The following SUGCT variants were observed in gnomAD, a reference collection of about 807,000 sequenced individuals.
SUGCT encodes succinyl-CoA:glutarate-CoA transferase.
A neutral mutation model predicts 55.0 loss-of-function variants in SUGCT; 41 were observed. The ratio of observed to expected loss-of-function variants is 0.74; its 90% CI spans 0.58 to 0.97. The LOEUF (loss-of-function observed/expected upper bound fraction) is 0.97. Ranked by LOEUF, SUGCT falls within the 50% of genes least tolerant of loss-of-function variation. The probability of loss-of-function intolerance (pLI) is 0.00; values close to 1 mark genes in which losing one functional copy is unlikely to be tolerated. For synonymous variants in SUGCT, 187 were observed against 200.4 expected (o/e 0.93, Z 0.56); for missense variants, 568 against 547.8 (o/e 1.04, Z -0.37).
the SUGCT span, among the ~76,000 whole-genome samples, chr7:40,892,368 G>A: frequency 6.6e-6 from 1 of 151,942 alleles, no homozygotes; most frequent in Non-Finnish European, 1.5e-5. Context: ...ATACACAAAA[G>A]ATAAAGAGAC....
In SUGCT at chr7:40,529,320, G is replaced by A. The variant is rs117302152; in HGVS notation, c.1089+32934G>A. Among the ~76,000 whole-genome samples, 1,421 of 152,332 alleles carry A rather than the reference G, an allele frequency of 9.3e-3. 7 individuals carry two copies. The highest frequency in any genetic ancestry group is 0.031 in the Middle Eastern group (9 of 294). ...GAGAGGCTAAGGTTACCTTGAAGGA[G>A]TCTTGCACACTGCAGAGTCAACAGT... is the stretch of plus-strand genomic sequence containing the variant. On this transcript the variant is annotated intron_variant, in intron 12 of 13. Coordinates refer to ENST00000335693, the MANE Select transcript of SUGCT (RefSeq NM_001193313.2).
chr7:40,389,256 C>T (rs1215759859), intron 9 of SUGCT, among the ~76,000 whole-genome samples: 1 of 151,992 alleles, frequency 6.6e-6, no homozygotes, highest in Non-Finnish European at 1.5e-5. Flanking sequence ...TTGAGACCAG[C>T]CTGGGCAATC....
the SUGCT span, among the ~76,000 whole-genome samples, chr7:40,975,938 A>G: frequency 6.6e-6 from 1 of 152,170 alleles, no homozygotes; most frequent in Non-Finnish European, 1.5e-5. Context: ...CAATTCTTTC[A>G]TAGCCCTGCC....
At chr7:40,176,512 A>T (rs1784928378) in intron 1 of SUGCT, among the ~76,000 whole-genome samples, 1 of 152,186 alleles carries the variant, frequency 6.6e-6, no homozygotes, top group South Asian at 2.1e-4. Context: ...TGCAGTGTTA[A>T]TTATGAAGAA....
chr7:40,482,423 A>C (rs1017617988), intron 11 of SUGCT, among the ~76,000 whole-genome samples: 6 of 152,240 alleles, frequency 3.9e-5, no homozygotes, highest in Admixed American at 1.3e-4. Context: ...AAAATTATGC[A>C]TAAACCAAAA....
At chr7:40,662,959 C>A (rs935415833) in intron 12 of SUGCT, among the ~76,000 whole-genome samples, 1 of 152,164 alleles carries the variant, frequency 6.6e-6, no homozygotes, top group African/African-American at 2.4e-5. Flanking sequence ...GAATGAATGA[C>A]TAACTCTCGT....
At chr7:40,377,190 CTTT>C (rs1784614755) in intron 9 of SUGCT, among the ~76,000 whole-genome samples, 1 of 9,972 alleles carries the variant, frequency 1.0e-4, no homozygotes, top group Admixed American at 2.6e-3. Flanking sequence ...TTCTTTCTTT[CTTT>C]CTTTCTTTTC....
chr7:40,809,086 T>C (rs906382446), intron 13 of SUGCT, among the ~76,000 whole-genome samples: 3 of 152,182 alleles, frequency 2.0e-5, no homozygotes, highest in African/African-American at 7.2e-5. Context: ...AAAACATGGA[T>C]TTTGCAAATT....
chr7:40,837,480 C>A (rs1382083709), intron 13 of SUGCT, among the ~76,000 whole-genome samples: 1 of 152,112 alleles, frequency 6.6e-6, no homozygotes, highest in East Asian at 1.9e-4. Flanking sequence ...CTTTTGGTAT[C>A]AAGTCTAAGA....
intron 6 of SUGCT, among the ~76,000 whole-genome samples, chr7:40,233,386 A>G (rs764626370): frequency 1.3e-5 from 2 of 151,864 alleles, no homozygotes; most frequent in Admixed American, 6.6e-5. Context: ...TGCCTGGCTA[A>G]TTTTTTGTAT....
chr7:40,931,742 T>A, the SUGCT span, among the ~76,000 whole-genome samples: 1 of 152,222 alleles, frequency 6.6e-6, no homozygotes, highest in South Asian at 2.1e-4. Flanking sequence ...GATGGTGGTT[T>A]GTATTTCTGT....
intron 1 of SUGCT, among the ~76,000 whole-genome samples, chr7:40,145,810 C>G (rs1471799362): frequency 6.6e-6 from 1 of 152,102 alleles, no homozygotes; most frequent in East Asian, 1.9e-4. Flanking sequence ...TTTGAGCAGC[C>G]CAATTATTAG....
intron 9 of SUGCT, among the ~76,000 whole-genome samples, chr7:40,367,270 TG>T (rs1233309978): frequency 2.4e-5 from 1 of 41,790 alleles, no homozygotes. Flanking sequence ...TGTTGTGGGG[TG>T]GGGGGAGGGG....
intron 6 of SUGCT, among the ~76,000 whole-genome samples, chr7:40,213,119 G>A (rs1453013194): frequency 6.6e-6 from 1 of 151,572 alleles, no homozygotes; most frequent in Non-Finnish European, 1.5e-5. Flanking sequence ...TTTTTATGTT[G>A]TCTTATCAAT....
At chr7:40,452,446 C>T (rs896255236) in intron 10 of SUGCT, among the ~76,000 whole-genome samples, 1 of 152,104 alleles carries the variant, frequency 6.6e-6, no homozygotes, top group Non-Finnish European at 1.5e-5. Context: ...CATTCCCGAA[C>T]ATTTTACTTT....
the SUGCT span, among the ~76,000 whole-genome samples, chr7:40,917,768 T>A: frequency 6.6e-6 from 1 of 152,190 alleles, no homozygotes; most frequent in East Asian, 1.9e-4. Flanking sequence ...GGCCACCTTC[T>A]TGCTGGGTCC....
At chr7:41,017,770 CAA>C in the SUGCT span, among the ~76,000 whole-genome samples, 8 of 113,150 alleles carry the variant, frequency 7.1e-5, no homozygotes, top group East Asian at 2.6e-4. Flanking sequence ...GAGTCCGTCT[CAA>C]AAAAAAAAAA....
At chr7:40,935,343 A>T in the SUGCT span, among the ~76,000 whole-genome samples, 1 of 152,292 alleles carries the variant, frequency 6.6e-6, no homozygotes, top group African/African-American at 2.4e-5. Context: ...CTTCCATTGA[A>T]TTCGAGAACA....
intron 9 of SUGCT, among the ~76,000 whole-genome samples, chr7:40,442,386 G>A (rs1244614271): frequency 6.6e-6 from 1 of 152,090 alleles, no homozygotes; most frequent in African/African-American, 2.4e-5. Flanking sequence ...TCTCTCAAAA[G>A]TAGTTTCCTT....
Sources: gnomAD v4.1 joint callset for allele counts (sites outside exome capture counted in the v4.1 genomes callset) on GRCh38, gnomAD v4.1.1 for gene constraint, MANE v1.5 for transcripts, NCBI Gene and HGNC (gene_info 2026-07-23, HGNC 2026-07-21) for gene names.